The following TBC1D5 variants were observed in gnomAD, a reference collection of about 807,000 sequenced individuals.
TBC1D5 encodes the protein TBC1 domain family, member 5.
TBC1D5 carries 75 observed loss-of-function variants against 100.3 expected under a neutral mutation model. That is an observed-to-expected ratio of 0.75 (90% CI 0.62 to 0.91). TBC1D5 has a LOEUF of 0.91. Among genes scored for constraint, TBC1D5 ranks in the 40% least tolerant of loss-of-function variants. The pLI is 0.00. For synonymous variants in TBC1D5, 323 were observed against 325.6 expected (o/e 0.99, Z 0.09); for missense variants, 910 against 942.4 (o/e 0.97, Z 0.45).
intron 3 of TBC1D5, among the ~76,000 whole-genome samples, chr3:17,449,352 C>T (rs749022977): frequency 7.9e-5 from 12 of 152,084 alleles, no homozygotes; most frequent in South Asian, 4.1e-4. Context: ...TTTTTTCATA[C>T]CCTAGTGGCA....
At chr3:17,215,347 C>T (rs926305918) in intron 17 of TBC1D5, among the ~76,000 whole-genome samples, 2 of 152,080 alleles carry the variant, frequency 1.3e-5, no homozygotes, top group Non-Finnish European at 2.9e-5. Flanking sequence ...ACTGGATTTA[C>T]GGATGAACCC....
intron 4 of TBC1D5, among the ~76,000 whole-genome samples, chr3:17,413,669 A>C (rs2093993999): frequency 6.6e-6 from 1 of 152,194 alleles, no homozygotes; most frequent in Non-Finnish European, 1.5e-5. Context: ...AAATTACTAA[A>C]TTATGTGCTA....
At chr3:17,227,629 A>G (rs535607943) in intron 17 of TBC1D5, among the ~76,000 whole-genome samples, 18 of 152,196 alleles carry the variant, frequency 1.2e-4, no homozygotes, top group Admixed American at 3.3e-4. Context: ...GTTCTCACTT[A>G]TAAGTGAGAG....
chr3:17,404,653 G>T, intron 7 of TBC1D5, 41 bp downstream of exon 7: 1 of 1,524,354 alleles, frequency 6.6e-7, no homozygotes, highest in Non-Finnish European at 8.8e-7. Flanking sequence ...CATATTCTTA[G>T]CAGCAAAAGA....
At chr3:17,310,830 A>G (rs1179635338) in intron 13 of TBC1D5, among the ~76,000 whole-genome samples, 2 of 152,042 alleles carry the variant, frequency 1.3e-5, no homozygotes, top group Non-Finnish European at 2.9e-5. Context: ...ATATATAATT[A>G]TAAGAAAATC....
intron 2 of TBC1D5, among the ~76,000 whole-genome samples, chr3:17,601,065 G>A (rs1269700469): frequency 6.6e-6 from 1 of 152,168 alleles, no homozygotes; most frequent in Non-Finnish European, 1.5e-5. Context: ...TAAATTCTGG[G>A]CCATCTCCTA....
chr3:17,726,816 A>T (rs1560566162), intron 1 of TBC1D5, among the ~76,000 whole-genome samples: 3 of 152,266 alleles, frequency 2.0e-5, no homozygotes, highest in African/African-American at 2.4e-5. Flanking sequence ...CCTGTTTTCT[A>T]TTTCAAAAGG....
At chr3:17,392,817 A>G (rs1245319921) in intron 8 of TBC1D5, among the ~76,000 whole-genome samples, 1 of 152,180 alleles carries the variant, frequency 6.6e-6, no homozygotes, top group African/African-American at 2.4e-5. Flanking sequence ...CAGTGCTGCA[A>G]TAAACATACG....
intron 3 of TBC1D5, among the ~76,000 whole-genome samples, chr3:17,453,595 C>T (rs1393177162): frequency 6.6e-6 from 1 of 152,068 alleles, no homozygotes; most frequent in Non-Finnish European, 1.5e-5. Flanking sequence ...CTACCAAGAT[C>T]AAACCATGAA....
intron 1 of TBC1D5, among the ~76,000 whole-genome samples, chr3:17,667,863 T>C (rs1210538738): frequency 6.6e-6 from 1 of 151,980 alleles, no homozygotes; most frequent in Non-Finnish European, 1.5e-5. Context: ...AACTGATTAG[T>C]CTGATTTTTT....
intron 16 of TBC1D5, among the ~76,000 whole-genome samples, chr3:17,246,115 G>A (rs1319419649): frequency 1.3e-5 from 2 of 152,136 alleles, no homozygotes; most frequent in African/African-American, 4.8e-5. Context: ...TTTGAAGGTA[G>A]GGGTACAGAA....
At chr3:17,439,008 C>A (rs1242479329) in intron 3 of TBC1D5, among the ~76,000 whole-genome samples, 1 of 152,038 alleles carries the variant, frequency 6.6e-6, no homozygotes, top group African/African-American at 2.4e-5. Flanking sequence ...ATTTCACTGT[C>A]TTTCAAATAA....
intron 1 of TBC1D5, among the ~76,000 whole-genome samples, chr3:17,682,234 C>G (rs1287330072): frequency 6.6e-6 from 1 of 151,030 alleles, no homozygotes; most frequent in Non-Finnish European, 1.5e-5. Flanking sequence ...ACTGCTTGAG[C>G]CCAGGAGTTC....
chr3:17,173,736 C>A (rs1336375104), intron 19 of TBC1D5, among the ~76,000 whole-genome samples: 1 of 151,996 alleles, frequency 6.6e-6, no homozygotes, highest in Non-Finnish European at 1.5e-5. Context: ...ATTTAGATAC[C>A]CTGATCTTTA....
intron 1 of TBC1D5, chr3:17,702,160 G>A (rs1041818899): frequency 6.6e-6 from 1 of 152,102 alleles, no homozygotes; most frequent in Non-Finnish European, 1.5e-5. Context: ...TTCAATGTGA[G>A]GTGAGCTATA....
chr3:17,345,528 T>C (rs2089729186), intron 13 of TBC1D5, among the ~76,000 whole-genome samples: 2 of 152,080 alleles, frequency 1.3e-5, no homozygotes, highest in Non-Finnish European at 2.9e-5. Context: ...CTCAGGGATC[T>C]AGAACTAGAA....
chr3:17,477,153 T>G (rs2095447304), intron 3 of TBC1D5, among the ~76,000 whole-genome samples: 1 of 151,998 alleles, frequency 6.6e-6, no homozygotes, highest in Admixed American at 6.5e-5. Flanking sequence ...CTACAACTAC[T>G]GAAATGACTT....
At chr3:17,211,210 C>A (rs1340757652) in intron 18 of TBC1D5, among the ~76,000 whole-genome samples, 1 of 152,134 alleles carries the variant, frequency 6.6e-6, no homozygotes, top group Non-Finnish European at 1.5e-5. Context: ...ATGGTGGGAT[C>A]CACTAAGAAG....
intron 2 of TBC1D5, among the ~76,000 whole-genome samples, chr3:17,554,588 C>G (rs749609068): frequency 3.9e-5 from 6 of 152,200 alleles, no homozygotes; most frequent in Non-Finnish European, 7.3e-5. Context: ...TTCTAGAAAA[C>G]CAACAAAGGT....
Sources: gnomAD v4.1 joint callset for allele counts (sites outside exome capture counted in the v4.1 genomes callset) on GRCh38, gnomAD v4.1.1 for gene constraint, MANE v1.5 for transcripts, NCBI Gene and HGNC (gene_info 2026-07-23, HGNC 2026-07-21) for gene names.